Variants in ARHGEF19 observed in about 807,000 individuals in gnomAD.
ARHGEF19 encodes Rho guanine nucleotide exchange factor (GEF) 19.
A neutral mutation model predicts 87.6 loss-of-function variants in ARHGEF19; 92 were observed. The ratio of observed to expected loss-of-function variants is 1.05; its 90% CI spans 0.89 to 1.25. The LOEUF is 1.25. Among genes scored for constraint, ARHGEF19 ranks in the 50% most tolerant of loss-of-function variants. The pLI, the probability that ARHGEF19 is intolerant of heterozygous loss-of-function variation, is 0.00. For missense variants in ARHGEF19, 1,054 were observed against 1,051.8 expected, an observed-to-expected ratio of 1.00 and a Z score of -0.03; for synonymous variants, 438 against 446.2, an observed-to-expected ratio of 0.98 and a Z score of 0.23.
At chr1:16,201,453 G>A (rs1006844304) in intron 14 of ARHGEF19, among the ~76,000 whole-genome samples, 5 of 152,182 alleles carry the variant, frequency 3.3e-5, no homozygotes, top group African/African-American at 1.2e-4. Flanking sequence ...ACAGACCTGG[G>A]CTCTGGTCTC....
At position 16,207,390 on chromosome 1, in the gene ARHGEF19, A is replaced by C; in HGVS notation, c.874+132T>G. 4 of 1,325,912 alleles carry C rather than the reference A, an allele frequency of 3.0e-6. No individual in the cohort carries two copies. Among genetic ancestry groups the C allele is most frequent in the Non-Finnish European group, 3.1e-6 (3 of 967,788 alleles). 82.1% of individuals were successfully genotyped at this position (1,325,912 alleles called of 1,614,324 possible). A position where few individuals can be genotyped will look rare whatever the true frequency, so the allele number is the denominator to read the frequency against. ...ACAAATTGAGCACCTACTGAGTGCT[A>C]GATACCGACAGTTCCATTCTCCGTT... On this transcript the variant is annotated intron_variant, in intron 5 of 15. Transcript: ENST00000270747. This position sits in a 1 kb window ranked among gnomAD's most constrained non-coding sequence, Gnocchi z 4.0.
chr1:16,201,413 G>A (rs952610486), intron 14 of ARHGEF19, among the ~76,000 whole-genome samples: 3 of 152,166 alleles, frequency 2.0e-5, no homozygotes, highest in African/African-American at 7.2e-5. Flanking sequence ...GCTGCTTCTT[G>A]TCTTGTTTGC....
At position 16,205,506 on chromosome 1, in the gene ARHGEF19, A is replaced by G. The variant is rs756914371; in HGVS notation, c.1581+32T>C. The G allele has an allele frequency of 2.5e-6, 4 of 1,613,706 alleles. No individual in the cohort carries two copies. The highest frequency in any genetic ancestry group is 3.4e-6 in the Non-Finnish European group (4 of 1,179,860). On this transcript the variant is annotated intron_variant, in intron 9 of 15. Transcript: ENST00000270747. The surrounding 1 kb of genome is among the most constrained non-coding windows in gnomAD (Gnocchi z 5.8). Reference sequence around the variant, plus strand: ...GCCCACAGGTGTATCTCCCTCGCCCAGCCCTCACTGTGGCCTGTCCCCTCG... The same window carrying G: ...GCCCACAGGTGTATCTCCCTCGCCCGGCCCTCACTGTGGCCTGTCCCCTCG...
intron 1 of ARHGEF19, among the ~76,000 whole-genome samples, chr1:16,210,885 G>A (rs759080617): frequency 6.6e-6 from 1 of 152,196 alleles, no homozygotes; most frequent in Non-Finnish European, 1.5e-5. Context: ...GAGACAGGGA[G>A]GGAGAAGAGG....
intron 12 of ARHGEF19, among the ~76,000 whole-genome samples, 182 bp from the exon 13 acceptor site, chr1:16,202,756 T>C (rs1316473866): frequency 6.6e-6 from 1 of 152,208 alleles, no homozygotes; most frequent in Non-Finnish European, 1.5e-5. Flanking sequence ...CAAGAGCTCC[T>C]TCCCCGCTGG....
At position 16,206,269 on chromosome 1, in the gene ARHGEF19, TAAG is replaced by T. The variant is rs2081134020; in HGVS notation, c.1206_1208del (p.Phe402del). On this transcript the variant is annotated inframe_deletion, in exon 7 of 16. Transcript: ENST00000270747. This position sits in a 1 kb window ranked among gnomAD's most constrained non-coding sequence, Gnocchi z 4.6. ...GACACTCGCTCAGCTCGGCAGAGCC[TAAG>T]AAGTGGCCCACAGCCACCGACAGGC... The T allele has an allele frequency of 6.3e-7, 1 of 1,588,330 alleles. No individual in the cohort carries two copies.
Position 16,205,305 on chromosome 1 carries a change from A to AG in ARHGEF19, c.1656+45dup, listed in dbSNP as rs747805450. 64 of 1,611,802 alleles carry AG rather than the reference A, an allele frequency of 4.0e-5. 1 individual carries two copies. The highest frequency in any genetic ancestry group is 3.3e-4 in the South Asian group (30 of 90,984). On this transcript the variant is annotated intron_variant, in intron 10 of 15. Coordinates refer to ENST00000270747, the MANE Select transcript of ARHGEF19 (RefSeq NM_153213.5). The surrounding 1 kb of genome is among the most constrained non-coding windows in gnomAD (Gnocchi z 5.8). ...TGTTTTAGAGACGTGCTGGGGGTCC[A>AG]GGGGGGGCCTCAGGAGCCAAGCAGC...
Position 16,208,849 on chromosome 1 carries a change from G to T in ARHGEF19, c.206C>A (p.Thr69Asn). 6.2e-7 allele frequency: 1 copy of T among 1,609,842 alleles called. No homozygotes were observed. Among genetic ancestry groups the T allele is most frequent in the Non-Finnish European group, 8.5e-7 (1 of 1,178,734 alleles). Residue 69 changes from threonine (T) to asparagine (N), a missense_variant, in exon 2 of 16, where the codon ACC (threonine) becomes AAC (asparagine). Physicochemically the swap from Thr to Asn is moderately conservative, Grantham distance 65. Transcript: ENST00000270747. ...RAPGSRWSLG[T>N]PAPLQGLLWP... Reference sequence around the variant, plus strand: ...TAGCAACCCTTGGAGAGGGGCAGGGGTCCCCAGGGACCAGCGGCTGCCAGG... The same window carrying T: ...TAGCAACCCTTGGAGAGGGGCAGGGTTCCCCAGGGACCAGCGGCTGCCAGG...
Position 16,208,213 on chromosome 1 carries a change from C to T in ARHGEF19, c.425G>A (p.Arg142Gln), listed in dbSNP as rs199881500. 4.3e-5 allele frequency: 69 copies of T among 1,612,520 alleles called. No individual in the cohort carries two copies. In the East Asian group the frequency reaches 1.5e-3, roughly 34 times the overall value. Residue 142 changes from arginine (R) to glutamine (Q), a missense_variant, in exon 3 of 16, where the codon CGG (arginine) becomes CAG (glutamine). Arg to Gln is a conservative substitution (Grantham distance 43, BLOSUM62 1). Transcript: ENST00000270747. ...GGGGACCTCTTCACGCTGGTACACC[C>T]GCATCTTGCGCCCTAGGGTTGGGGG... ...SEKKSAWRKM[R>Q]VYQREEVPGC...
chr1:16,203,267 C>T (rs1157309373), intron 12 of ARHGEF19, among the ~76,000 whole-genome samples: 1 of 152,168 alleles, frequency 6.6e-6, no homozygotes. Flanking sequence ...CAAGCCAGAT[C>T]CCCTTTACTG....
chr1:16,201,039 C>T (rs1007948677), intron 14 of ARHGEF19, among the ~76,000 whole-genome samples: 1 of 152,102 alleles, frequency 6.6e-6, no homozygotes, highest in Non-Finnish European at 1.5e-5. Context: ...CATAGCAATA[C>T]CCTATCTCTA....
In ARHGEF19 at chr1:16,206,151, C is replaced by A. The variant is rs374955207; in HGVS notation, c.1298+29G>T. The A allele has an allele frequency of 8.2e-6, 13 of 1,586,954 alleles. No individual in the cohort carries two copies. The African/African-American group carries it at 1.1e-4, about 13-fold the overall frequency. ...TGGCCAACCACTGGCTCCGTCCCCACCCCGGGCCAGGCCAGACCACTTCTT... is the reference window on the plus strand; with the variant it reads ...TGGCCAACCACTGGCTCCGTCCCCAACCCGGGCCAGGCCAGACCACTTCTT... On this transcript the variant is annotated intron_variant, in intron 7 of 15. Coordinates refer to ENST00000270747, the MANE Select transcript of ARHGEF19 (RefSeq NM_153213.5). This position sits in a 1 kb window ranked among gnomAD's most constrained non-coding sequence, Gnocchi z 4.6.
In ARHGEF19 at chr1:16,205,772, A is replaced by C; in HGVS notation, c.1452-105T>G. ...TCAGGGGGCTTCTCAGCACATCCTT[A>C]CTGCCCTTTGGGGTTGCATCTCACC... On this transcript the variant is annotated intron_variant, in intron 8 of 15. Coordinates refer to ENST00000270747, the MANE Select transcript of ARHGEF19 (RefSeq NM_153213.5). The surrounding 1 kb of genome is among the most constrained non-coding windows in gnomAD (Gnocchi z 5.8). 6.7e-7 allele frequency: 1 copy of C among 1,494,914 alleles called. No homozygotes were observed. Among genetic ancestry groups the C allele is most frequent in the African/African-American group, 1.4e-5 (1 of 71,236 alleles). 92.6% of individuals were successfully genotyped at this position (1,494,914 alleles called of 1,614,324 possible).
Position 16,206,948 on chromosome 1 carries a change from C to A in ARHGEF19, c.1137G>T (p.Glu379Asp). Residue 379 changes from glutamate (E) to aspartate (D), a missense_variant and splice_region_variant, in exon 6 of 16, where the codon GAG (glutamate) becomes GAT (aspartate). Transcript: ENST00000270747. This position sits in a 1 kb window ranked among gnomAD's most constrained non-coding sequence, Gnocchi z 4.6. ...CCGCCGGGTCCCCGCGCGCGCCCAC[C>A]TCCTGCAGCTTGCAGTCCCGCAGGC... ...TLSLRDCKLQ[E>D]AKFELITSEA... 6.7e-7 allele frequency: 1 copy of A among 1,487,676 alleles called. No individual in the cohort carries two copies. Among genetic ancestry groups the A allele is most frequent in the Non-Finnish European group, 8.9e-7 (1 of 1,126,434 alleles). 92.2% of individuals were successfully genotyped at this position (1,487,676 alleles called of 1,614,324 possible). A position where few individuals can be genotyped will look rare whatever the true frequency, so the allele number is the denominator to read the frequency against.
Position 16,204,823 on chromosome 1 carries a change from G to A in ARHGEF19, c.1843C>T (p.Leu615=), listed in dbSNP as rs1223442466. ...TGGAGGTAGACTGCCTTGCTGGACA[G>A]CTTCAGCTTGGCAGGGGGTGCTGCA... The part of the protein sequence containing the change: ...LPAAPPAKLK[L]SSKAVYLHLF... The change falls in exon 12 of 16, where the codon CTG becomes TTG. Residue 615 remains leucine, a synonymous_variant. Coordinates refer to ENST00000270747, the MANE Select transcript of ARHGEF19 (RefSeq NM_153213.5). 6.2e-7 allele frequency: 1 copy of A among 1,611,526 alleles called. No individual in the cohort carries two copies. Among genetic ancestry groups the A allele is most frequent in the Non-Finnish European group, 8.5e-7 (1 of 1,178,788 alleles).
chr1:16,207,352 A>G lies in ARHGEF19; in HGVS notation c.875-142T>C, dbSNP rs930670993. The G allele has an allele frequency of 1.1e-5, 15 of 1,339,240 alleles. No homozygotes were observed. The African/African-American group carries it at 1.9e-4, about 17-fold the overall frequency. 83.0% of individuals were successfully genotyped at this position (1,339,240 alleles called of 1,614,324 possible). A position where few individuals can be genotyped will look rare whatever the true frequency, so the allele number is the denominator to read the frequency against. On this transcript the variant is annotated intron_variant, in intron 5 of 15. Coordinates refer to ENST00000270747, the MANE Select transcript of ARHGEF19 (RefSeq NM_153213.5). The surrounding 1 kb of genome is among the most constrained non-coding windows in gnomAD (Gnocchi z 4.0). ...ACACAGTGAATTCATTCATTCATTCATTCATTCCATAAACAAATTGAGCAC... is the reference window on the plus strand; with the variant it reads ...ACACAGTGAATTCATTCATTCATTCGTTCATTCCATAAACAAATTGAGCAC...
Position 16,208,701 on chromosome 1 carries a change from A to T in ARHGEF19, c.354T>A (p.Ser118Arg). The T allele has an allele frequency of 4.4e-6, 7 of 1,606,328 alleles. No individual in the cohort carries two copies. Among genetic ancestry groups the T allele is most frequent in the Non-Finnish European group, 5.9e-6 (7 of 1,177,682 alleles). The change falls in exon 2 of 16, where the codon AGT becomes AGA. Residue 118 changes from serine (S) to arginine (R), a missense_variant. Transcript: ENST00000270747. ...GGCGCTGTGGCTGTGTGTGTCGGGG[A>T]CTCCAGGGTCCCTCCAGAGCTGGGG... is the stretch of plus-strand genomic sequence containing the variant. Reference protein sequence around the residue: ...AQPPALEGPWSPRHTQPQRRA... With the variant: ...AQPPALEGPWRPRHTQPQRRA...
intron 13 of ARHGEF19, among the ~76,000 whole-genome samples, chr1:16,202,208 T>C (rs1006936367): frequency 3.3e-5 from 5 of 152,230 alleles, no homozygotes; most frequent in Admixed American, 1.3e-4. Flanking sequence ...TGACACCACC[T>C]GTGGGGCAGG....
Position 16,207,902 on chromosome 1 carries a change from C to CCGCCACGGG in ARHGEF19, c.694+41_694+42insCCCGTGGCG. The CCGCCACGGG allele has an allele frequency of 6.3e-7, 1 of 1,574,836 alleles. No homozygotes were observed. The highest frequency in any genetic ancestry group is 8.6e-7 in the Non-Finnish European group (1 of 1,159,218). On this transcript the variant is annotated intron_variant, in intron 3 of 15. Coordinates refer to ENST00000270747, the MANE Select transcript of ARHGEF19 (RefSeq NM_153213.5). The surrounding 1 kb of genome is among the most constrained non-coding windows in gnomAD (Gnocchi z 4.0). ...GGCATCGCCCACCCCCACCCCCACC[C>CCGCCACGGG]GGCATCTGGCTGCCCTCAGGGCCCA...
Sources: allele counts gnomAD v4.1 joint callset (sites outside exome capture counted in the v4.1 genomes callset), GRCh38; gene constraint gnomAD v4.1.1; non-coding constraint Gnocchi (gnomAD v3.1); transcripts MANE v1.5; gene names NCBI Gene and HGNC (gene_info 2026-07-23, HGNC 2026-07-21).